CLDN10: variants seen among roughly 807,000 people sequenced by gnomAD.
CLDN10 encodes claudin 10, also known as claudin-10.
A neutral mutation model predicts 22.9 loss-of-function variants in CLDN10; 15 were observed. The observed-to-expected ratio is 0.65, with a 90% CI of 0.44 to 1.01. The LOEUF (loss-of-function observed/expected upper bound fraction) is 1.01, where lower values mean the gene tolerates loss of function less well. CLDN10 is among the 50% of genes least tolerant of loss of function. The pLI is 0.00. For missense variants in CLDN10, 247 were observed against 287.8 expected (o/e 0.86, Z 1.03); for synonymous variants, 114 against 111.4 (o/e 1.02, Z -0.15).
chr13:95,531,810 C>T (rs956581097), intron 1 of CLDN10, among the ~76,000 whole-genome samples: 9 of 151,790 alleles, frequency 5.9e-5, no homozygotes, highest in African/African-American at 1.2e-4. Context: ...GCTGGGATTA[C>T]AGGCATAAGC....
At chr13:95,547,863 G>A (rs2043525529), upstream of CLDN10, among the ~76,000 whole-genome samples, 1 of 152,118 alleles carries the variant, frequency 6.6e-6, no homozygotes, top group Non-Finnish European at 1.5e-5. Flanking sequence ...CTATACAGAC[G>A]CCACCTTTAA....
At chr13:95,571,551 G>A (rs2043861561) in intron 3 of CLDN10, among the ~76,000 whole-genome samples, 1 of 152,198 alleles carries the variant, frequency 6.6e-6, no homozygotes, top group Non-Finnish European at 1.5e-5. Flanking sequence ...TCATAAGAGA[G>A]ACTGGACCAT....
intron 1 of CLDN10, among the ~76,000 whole-genome samples, chr13:95,489,296 T>C (rs1034129879): frequency 1.3e-5 from 2 of 152,200 alleles, no homozygotes; most frequent in Non-Finnish European, 1.5e-5. Context: ...CCATAGTGGC[T>C]GTTTATACTG....
At chr13:95,465,794 G>C (rs565621437) in intron 1 of CLDN10, among the ~76,000 whole-genome samples, 1 of 152,332 alleles carries the variant, frequency 6.6e-6, no homozygotes, top group South Asian at 2.1e-4. Context: ...TCGATACTCA[G>C]AGTCTTTCTT....
intron 1 of CLDN10, among the ~76,000 whole-genome samples, chr13:95,463,808 G>C (rs140602824): frequency 6.6e-6 from 1 of 151,892 alleles, no homozygotes; most frequent in Non-Finnish European, 1.5e-5. Flanking sequence ...TTTGTCTTTG[G>C]ACAAAAAGAG....
At chr13:95,536,910 T>C (rs1055791964) in intron 1 of CLDN10, among the ~76,000 whole-genome samples, 1 of 152,242 alleles carries the variant, frequency 6.6e-6, no homozygotes, top group Non-Finnish European at 1.5e-5. Flanking sequence ...CTGCTAGTGG[T>C]ATTTAAATTT....
At chr13:95,494,823 A>C (rs2042910926) in intron 1 of CLDN10, among the ~76,000 whole-genome samples, 1 of 152,172 alleles carries the variant, frequency 6.6e-6, no homozygotes, top group South Asian at 2.1e-4. Context: ...ACAGATGAAC[A>C]GACATGAAAC....
At position 95,480,217 on chromosome 13, in the gene CLDN10, G is replaced by A. The variant is rs142439594; in HGVS notation, c.214+46170G>A. Among the ~76,000 whole-genome samples the A allele has an allele frequency of 9.4e-3, 1,436 of 152,266 alleles. 20 individuals are homozygous for A. Among genetic ancestry groups the A allele is most frequent in the African/African-American group, 0.032 (1,344 of 41,544 alleles). On this transcript the variant is annotated intron_variant, in intron 1 of 4. Coordinates refer to the CLDN10 transcript ENST00000376873. ...CCCCATGATTCAATTACCTCCCACC[G>A]GGTCCCTCCCACGACACATGGGAAT... is the stretch of plus-strand genomic sequence containing the variant.
At chr13:95,566,497 G>A (rs1306516941) in intron 3 of CLDN10, among the ~76,000 whole-genome samples, 1 of 152,154 alleles carries the variant, frequency 6.6e-6, no homozygotes, top group Non-Finnish European at 1.5e-5. Context: ...ATTTGTTTGA[G>A]TTCATTGTAG....
chr13:95,498,176 C>T (rs1225112661), intron 1 of CLDN10, among the ~76,000 whole-genome samples: 1 of 152,154 alleles, frequency 6.6e-6, no homozygotes, highest in East Asian at 1.9e-4. Flanking sequence ...TTGGAGCTGC[C>T]AGGCAGCCCT....
intron 1 of CLDN10, among the ~76,000 whole-genome samples, chr13:95,517,138 T>C: frequency 6.7e-6 from 1 of 150,130 alleles, no homozygotes; most frequent in Admixed American, 6.7e-5. Context: ...TTCTCTCCCT[T>C]CCTCCCTTCT....
intron 3 of CLDN10, among the ~76,000 whole-genome samples, chr13:95,570,618 TGGCCCG>T (rs1407512167): frequency 6.6e-6 from 1 of 151,982 alleles, no homozygotes; most frequent in African/African-American, 2.4e-5. Flanking sequence ...GCTCAGATCC[TGGCCCG>T]GGCCAGAGTC....
At chr13:95,552,621 G>A, upstream of CLDN10, 1 of 1,183,510 alleles carries the variant, frequency 8.4e-7, no homozygotes, top group South Asian at 1.8e-5. Context: ...CCTGGCGCCG[G>A]GTCCGCTGGG....
At chr13:95,444,313 G>A (rs1435688284) in intron 1 of CLDN10, among the ~76,000 whole-genome samples, 1 of 152,198 alleles carries the variant, frequency 6.6e-6, no homozygotes, top group Non-Finnish European at 1.5e-5. Flanking sequence ...TGGGATAATT[G>A]GCTTGAATTG....
upstream of CLDN10, among the ~76,000 whole-genome samples, chr13:95,551,343 G>A (rs150381571): frequency 1.8e-3 from 270 of 152,330 alleles, 1 homozygote; most frequent in Admixed American, 4.3e-3. Context: ...TGCTGGTCCT[G>A]AAGGGTGGAG....
intron 1 of CLDN10, among the ~76,000 whole-genome samples, chr13:95,466,724 A>C (rs571386802): frequency 1.2e-4 from 18 of 151,920 alleles, no homozygotes; most frequent in African/African-American, 3.9e-4. Context: ...CAAGGTAGGC[A>C]AAAAAAATAA....
chr13:95,497,446 T>C (rs2042940914), intron 1 of CLDN10, among the ~76,000 whole-genome samples: 1 of 152,108 alleles, frequency 6.6e-6, no homozygotes, highest in Non-Finnish European at 1.5e-5. Flanking sequence ...CAGGACTCTG[T>C]GCCAACCGCC....
chr13:95,484,806 G>C (rs117087125), intron 1 of CLDN10, among the ~76,000 whole-genome samples: 87,470 of 145,270 alleles, frequency 0.6, 27,310 homozygotes, highest in African/African-American at 0.79. Flanking sequence ...GTGGAGGTTG[G>C]AATGAGCCAA....
chr13:95,483,788 T>C (rs1418378410), intron 1 of CLDN10, among the ~76,000 whole-genome samples: 1 of 152,186 alleles, frequency 6.6e-6, no homozygotes, highest in Non-Finnish European at 1.5e-5. Context: ...GATATGAGCT[T>C]CCCCAGGCAT....
Sources: gnomAD v4.1 joint callset for allele counts (sites outside exome capture counted in the v4.1 genomes callset) on GRCh38, gnomAD v4.1.1 for gene constraint, MANE v1.5 for transcripts, NCBI Gene and HGNC (gene_info 2026-07-23, HGNC 2026-07-21) for gene names.